Variants in CHD9 observed in about 807,000 individuals in gnomAD.
CHD9 encodes chromodomain helicase DNA binding protein 9, also known as ATP-dependent chromatin remodeler CHD9.
Under a neutral mutation model 316.1 loss-of-function variants are expected in CHD9, and 77 were observed. The ratio of observed to expected loss-of-function variants is 0.24; its 90% CI spans 0.20 to 0.29. The LOEUF (loss-of-function observed/expected upper bound fraction) is 0.29, where lower values mean the gene tolerates loss of function less well. Among genes scored for constraint, CHD9 ranks in the 10% least tolerant of loss-of-function variants. The pLI is 1.00. For synonymous variants in CHD9, 1,129 were observed against 1,158.3 expected (o/e 0.97, Z 0.51); for missense variants, 2,763 against 3,438.1 (o/e 0.80, Z 4.91).
At chr16:53,180,103 T>C (rs1352242029) in intron 2 of CHD9, among the ~76,000 whole-genome samples, 1 of 147,664 alleles carries the variant, frequency 6.8e-6, no homozygotes, top group Non-Finnish European at 1.5e-5. Flanking sequence ...CTCGGCTCAC[T>C]GCAACCTCCA....
At chr16:53,274,412 C>T in intron 24 of CHD9, 110 bp downstream of exon 24, 1 of 558,318 alleles carries the variant, frequency 1.8e-6, no homozygotes, top group Non-Finnish European at 3.2e-6. Context: ...GAGGCTCGCA[C>T]TGTAGGCACA....
intron 1 of CHD9, among the ~76,000 whole-genome samples, chr16:53,114,801 A>G (rs1403922302): frequency 6.8e-6 from 1 of 147,576 alleles, no homozygotes; most frequent in Non-Finnish European, 1.5e-5. Flanking sequence ...GTTAGCCAGG[A>G]TGGTCTCGAT....
At chr16:53,141,312 G>A (rs1178653412) in intron 1 of CHD9, among the ~76,000 whole-genome samples, 1 of 152,076 alleles carries the variant, frequency 6.6e-6, no homozygotes, top group Non-Finnish European at 1.5e-5. Flanking sequence ...TTAACATTCT[G>A]GTTCCAGAGC....
At chr16:53,320,198 TAAAAAAA>T (rs558919362) in intron 37 of CHD9, among the ~76,000 whole-genome samples, 2 of 126,934 alleles carry the variant, frequency 1.6e-5, no homozygotes, top group African/African-American at 2.9e-5. Flanking sequence ...TGAGTCTCTT[TAAAAAAA>T]AAAAAAAAAA....
In CHD9 at chr16:53,242,853, G is replaced by A. The variant is rs754880471; in HGVS notation, c.2891G>A (p.Arg964Gln). Residue 964 changes from arginine to glutamine, a missense_variant, in exon 13 of 39, where the codon CGA becomes CAA. This residue lies in a region of CHD9 where 186 missense variants were observed against 245.0 expected (regional missense o/e 0.76). Transcript: ENST00000447540. ...YFRDSQGRII[R>Q]GAYRFQAIIT... The stretch of plus-strand genomic sequence containing the variant: ...GATCATTTCTAGGGGCGTATCATTC[G>A]AGGAGCTTACAGATTCCAAGCCATC... The A allele has an allele frequency of 1.3e-5, 21 of 1,612,640 alleles. No individual in the cohort carries two copies. The highest frequency in any genetic ancestry group is 1.6e-4 in the Middle Eastern group (1 of 6,080).
intron 34 of CHD9, among the ~76,000 whole-genome samples, chr16:53,310,577 G>A (rs900748434): frequency 6.6e-6 from 1 of 151,972 alleles, no homozygotes; most frequent in Non-Finnish European, 1.5e-5. Flanking sequence ...GTCCGGTGTG[G>A]TGGCACATGC....
chr16:53,149,958 C>T (rs1389821505), intron 1 of CHD9, among the ~76,000 whole-genome samples: 1 of 151,748 alleles, frequency 6.6e-6, no homozygotes, highest in East Asian at 1.9e-4. Flanking sequence ...TTTTTCATTT[C>T]TTGTTTTTTA....
At chr16:53,062,024 C>G (rs75631092) in intron 1 of CHD9, among the ~76,000 whole-genome samples, 3 of 152,146 alleles carry the variant, frequency 2.0e-5, no homozygotes, top group African/African-American at 7.2e-5. Context: ...CTGCTCTGCC[C>G]GCCTCTCACC....
chr16:53,094,481 G>C (rs907719470), intron 1 of CHD9, among the ~76,000 whole-genome samples: 1 of 152,098 alleles, frequency 6.6e-6, no homozygotes, highest in African/African-American at 2.4e-5. Context: ...GACCCCAGGT[G>C]ACAATTCTGA....
chr16:53,092,713 T>C (rs2036052978), intron 1 of CHD9, among the ~76,000 whole-genome samples: 1 of 152,222 alleles, frequency 6.6e-6, no homozygotes, highest in African/African-American at 2.4e-5. Flanking sequence ...TAAACTAGAT[T>C]ATTTCCTCAT....
At chr16:53,184,082 C>A (rs912633972) in intron 2 of CHD9, among the ~76,000 whole-genome samples, 2 of 151,956 alleles carry the variant, frequency 1.3e-5, no homozygotes, top group African/African-American at 4.8e-5. Context: ...GTAGCTGGGA[C>A]TAAAGGCGCC....
At chr16:53,106,851 A>T (rs1461887984) in intron 1 of CHD9, among the ~76,000 whole-genome samples, 1 of 152,240 alleles carries the variant, frequency 6.6e-6, no homozygotes, top group Non-Finnish European at 1.5e-5. Context: ...ATTGCAAAAG[A>T]TACATACACA....
intron 1 of CHD9, among the ~76,000 whole-genome samples, chr16:53,095,353 C>G (rs1424830884): frequency 2.6e-5 from 4 of 151,934 alleles, no homozygotes; most frequent in African/African-American, 4.8e-5. Flanking sequence ...CAAGACCAGC[C>G]TGGGCAACAC....
At position 53,303,084 on chromosome 16, in the gene CHD9, A is replaced by G. The variant is rs1376295930; in HGVS notation, c.5714-636A>G. ...GAGATATGCCAGCTTACATTTGTTT[A>G]TGGAGTATCACTTAACACAAGCTTG... On this transcript the variant is annotated intron_variant, in intron 30 of 38. Transcript: ENST00000447540. Among the ~76,000 whole-genome samples the G allele has an allele frequency of 2.0e-5, 3 of 152,056 alleles. No individual in the cohort carries two copies. The East Asian group carries it at 5.8e-4, about 29-fold the overall frequency.
At chr16:53,282,795 T>C (rs1310774339) in intron 24 of CHD9, among the ~76,000 whole-genome samples, 1 of 152,178 alleles carries the variant, frequency 6.6e-6, no homozygotes, top group African/African-American at 2.4e-5. Flanking sequence ...CACTTCCTTC[T>C]TTTTAAAATG....
At chr16:53,238,201 A>C in intron 11 of CHD9, 142 bp from the exon 12 acceptor site, 1 of 698,064 alleles carries the variant, frequency 1.4e-6, no homozygotes, top group Admixed American at 3.3e-5. Flanking sequence ...TGTAATCTTA[A>C]GCCTACCCTG....
chr16:53,096,060 T>A (rs1379078681), intron 1 of CHD9, among the ~76,000 whole-genome samples: 8 of 151,446 alleles, frequency 5.3e-5, no homozygotes, highest in East Asian at 1.9e-4. Context: ...GTGAAGATTT[T>A]TTTTTTTTTT....
chr16:53,253,974 C>T lies in CHD9; in HGVS notation c.3862-464C>T, dbSNP rs548200865. Among the ~76,000 whole-genome samples the T allele has an allele frequency of 2.0e-5, 3 of 152,134 alleles. No homozygotes were observed. In the East Asian group the frequency reaches 5.8e-4, roughly 29 times the overall value. ...GGTGGATCACTTGAGGTCAGGAGTT[C>T]GAGACCAGCCTGGCCAACATGGTGA... On this transcript the variant is annotated intron_variant, in intron 17 of 38. Transcript: ENST00000447540.
intron 1 of CHD9, among the ~76,000 whole-genome samples, chr16:53,093,411 T>C (rs2036116126): frequency 1.3e-5 from 2 of 152,262 alleles, no homozygotes. Context: ...CAAGATGCAA[T>C]TAATGTTAGG....
Sources: allele counts gnomAD v4.1 joint callset (sites outside exome capture counted in the v4.1 genomes callset), GRCh38; gene constraint gnomAD v4.1.1; regional missense constraint gnomAD v4.1.1; transcripts MANE v1.5; gene names NCBI Gene and HGNC (gene_info 2026-07-23, HGNC 2026-07-21).